The following LMLN variants were observed in gnomAD, a reference collection of about 807,000 sequenced individuals.
LMLN encodes leishmanolysin like peptidase.
In LMLN, 70 loss-of-function variants were observed where a neutral mutation model predicts 92.3. The observed-to-expected ratio is 0.76, with a 90% confidence interval of 0.63 to 0.92. LMLN has a LOEUF of 0.92. Among genes scored for constraint, LMLN ranks in the 40% least tolerant of loss-of-function variants. LMLN has a pLI of 0.00. For missense variants in LMLN, 691 were observed against 814.6 expected, an observed-to-expected ratio of 0.85 and a Z score of 1.85; for synonymous variants, 308 against 296.2, an observed-to-expected ratio of 1.04 and a Z score of -0.41.
rs1173322064 is a variant in LMLN at position 198,038,661 on chromosome 3, G to A, written c.1962G>A (p.Trp654Ter). ...TGGCTGGATTTCTTCTGTGTATATGGCACTAGGAATGGAAAAGTGGATCTT... is the reference window on the plus strand; with the variant it reads ...TGGCTGGATTTCTTCTGTGTATATGACACTAGGAATGGAAAAGTGGATCTT... The change falls in exon 16 of 16, where the codon TGG becomes TGA. Residue 654 changes from tryptophan to a stop codon, truncating the protein, a stop_gained. Transcript: ENST00000330198. LOFTEE classifies it high-confidence loss of function. The A allele has an allele frequency of 3.7e-6, 6 of 1,608,238 alleles. No individual in the cohort carries two copies. In the East Asian group the frequency reaches 1.1e-4, roughly 30 times the overall value.
chr3:198,024,230 T>A (rs1722858292), intron 13 of LMLN, among the ~76,000 whole-genome samples: 1 of 151,088 alleles, frequency 6.6e-6, no homozygotes, highest in Admixed American at 6.6e-5. Context: ...TTTTTTTTTT[T>A]TTTGAGACGG....
intron 11 of LMLN, among the ~76,000 whole-genome samples, chr3:198,005,795 C>T (rs954685441): frequency 1.8e-4 from 28 of 152,004 alleles, no homozygotes; most frequent in African/African-American, 4.3e-4. Flanking sequence ...CCACCACTCC[C>T]GGCTAATTTT....
chr3:198,027,716 T>C (rs1394649538), intron 14 of LMLN, among the ~76,000 whole-genome samples: 1 of 152,228 alleles, frequency 6.6e-6, no homozygotes, highest in Non-Finnish European at 1.5e-5. Flanking sequence ...CCTTTATGTC[T>C]CAATAACACT....
chr3:198,043,571 A>T (rs1355870553), exon 16 of LMLN: 6 of 152,608 alleles, frequency 3.9e-5, no homozygotes, highest in Non-Finnish European at 8.8e-5. Flanking sequence ...TTTAATATAT[A>T]TTGGGTCAGG....
chr3:198,010,722 A>T (rs755103945), intron 11 of LMLN, among the ~76,000 whole-genome samples: 1 of 152,170 alleles, frequency 6.6e-6, no homozygotes, highest in African/African-American at 2.4e-5. Flanking sequence ...AAGTGCTGGG[A>T]TTATAGTCGT....
At chr3:197,966,205 G>A (rs141569119) in intron 1 of LMLN, among the ~76,000 whole-genome samples, 17 of 152,196 alleles carry the variant, frequency 1.1e-4, no homozygotes, top group African/African-American at 3.6e-4. Flanking sequence ...ATCATGCCCG[G>A]CTAATTTTTG....
intron 3 of LMLN, among the ~76,000 whole-genome samples, 194 bp downstream of exon 3, chr3:197,975,266 A>G (rs1721337902): frequency 1.3e-5 from 2 of 152,216 alleles, no homozygotes; most frequent in African/African-American, 4.8e-5. Flanking sequence ...TGGGCATTAA[A>G]TTAGTCTTTT....
intron 14 of LMLN, among the ~76,000 whole-genome samples, chr3:198,027,240 G>A (rs374284840): frequency 6.8e-4 from 103 of 151,754 alleles, no homozygotes; most frequent in African/African-American, 2.2e-3. Flanking sequence ...GTGACCTCCC[G>A]GTCACACACC....
chr3:197,965,681 G>C (rs545274113), intron 1 of LMLN, among the ~76,000 whole-genome samples: 2 of 152,128 alleles, frequency 1.3e-5, no homozygotes, highest in African/African-American at 4.8e-5. Context: ...TTTGGAGGCC[G>C]GGATGGCAAA....
intron 1 of LMLN, among the ~76,000 whole-genome samples, chr3:197,964,203 T>G (rs1720983551): frequency 6.6e-6 from 1 of 152,128 alleles, no homozygotes; most frequent in African/African-American, 2.4e-5. Flanking sequence ...TGTTATTTCC[T>G]TTTTCTACTT....
At chr3:198,017,939 C>A (rs1321304177) in intron 11 of LMLN, among the ~76,000 whole-genome samples, 2 of 152,016 alleles carry the variant, frequency 1.3e-5, no homozygotes, top group Non-Finnish European at 2.9e-5. Context: ...AAATAAGTTC[C>A]TCAGTTAACT....
exon 8 of LMLN, chr3:197,985,810 G>A: frequency 6.2e-7 from 1 of 1,612,656 alleles, no homozygotes; most frequent in Non-Finnish European, 8.5e-7. Context: ...TCTCTGCTGG[G>A]CTGTTTGCAT....
At chr3:197,992,211 C>T (rs1721895148) in intron 9 of LMLN, among the ~76,000 whole-genome samples, 1 of 151,966 alleles carries the variant, frequency 6.6e-6, no homozygotes, top group African/African-American at 2.4e-5. Context: ...TCCGGAGAAC[C>T]TTGACTAATA....
Position 197,964,385 on chromosome 3 carries a change from TTTTTTTG to T in LMLN, c.219+3966_219+3972del, listed in dbSNP as rs544789320. Among the ~76,000 whole-genome samples the T allele has an allele frequency of 4.8e-3, 731 of 151,732 alleles. 1 individual carries two copies. The highest frequency in any genetic ancestry group is 0.016 in the African/African-American group (679 of 41,432). ...TTAATTATCATTTAGGTTAAAATTT[TTTTTTTG>T]TTTTTTGTTTTTTGTTTTTTTTTTT... On this transcript the variant is annotated intron_variant, in intron 1 of 15. Transcript: ENST00000330198.
intron 15 of LMLN, among the ~76,000 whole-genome samples, chr3:198,037,434 G>C (rs1371775299): frequency 1.3e-5 from 2 of 152,186 alleles, no homozygotes; most frequent in African/African-American, 4.8e-5. Flanking sequence ...TGGATCACTT[G>C]AGGTCAGGAG....
At chr3:197,995,857 A>G (rs1258513483) in intron 9 of LMLN, among the ~76,000 whole-genome samples, 1 of 152,174 alleles carries the variant, frequency 6.6e-6, no homozygotes, top group African/African-American at 2.4e-5. Flanking sequence ...TAACTTAAAT[A>G]AAAAATTTTA....
In LMLN at chr3:198,025,140, G is replaced by A. The variant is rs1304230193; in HGVS notation, c.1656+352G>A. On this transcript the variant is annotated intron_variant, in intron 14 of 15. Transcript: ENST00000330198. The surrounding 1 kb of genome is among the most constrained non-coding windows in gnomAD (Gnocchi z 4.3). Reference sequence around the variant, plus strand: ...GGTCTGAGGACCTCATGGGTTATAAGAATTAGTAAATCAGGCTGGACGTGG... The same window carrying A: ...GGTCTGAGGACCTCATGGGTTATAAAAATTAGTAAATCAGGCTGGACGTGG... Among the ~76,000 whole-genome samples, 1 of 152,132 alleles carries A rather than the reference G, an allele frequency of 6.6e-6. No homozygotes were observed. Among genetic ancestry groups the A allele is most frequent in the Admixed American group, 6.5e-5 (1 of 15,278 alleles).
At chr3:198,034,617 AT>A (rs1400461506) in intron 14 of LMLN, among the ~76,000 whole-genome samples, 2 of 152,208 alleles carry the variant, frequency 1.3e-5, no homozygotes, top group African/African-American at 2.4e-5. Flanking sequence ...TCTAAAAAAA[AT>A]AAATAAATTA....
chr3:198,011,752 T>C (rs1347282573), intron 11 of LMLN, among the ~76,000 whole-genome samples: 3 of 152,036 alleles, frequency 2.0e-5, no homozygotes, highest in Non-Finnish European at 4.4e-5. Context: ...AATGTAAAAG[T>C]GTTCCTATTT....
Sources: gnomAD v4.1 joint callset for allele counts (sites outside exome capture counted in the v4.1 genomes callset) on GRCh38, gnomAD v4.1.1 for gene constraint, Gnocchi (gnomAD v3.1) non-coding constraint, MANE v1.5 for transcripts, NCBI Gene and HGNC (gene_info 2026-07-23, HGNC 2026-07-21) for gene names.